CSPP1: variants seen among roughly 807,000 people sequenced by gnomAD.
The protein encoded by CSPP1 is centrosome and spindle pole associated protein 1.
CSPP1 carries 126 observed loss-of-function variants against 164.4 expected under a neutral mutation model. The ratio of observed to expected loss-of-function variants is 0.77; its 90% CI spans 0.66 to 0.89. The LOEUF (loss-of-function observed/expected upper bound fraction) is 0.89. CSPP1 is among the 40% of genes least tolerant of loss of function. The pLI is 0.00. For missense variants in CSPP1, 1,395 were observed against 1,449.8 expected (o/e 0.96, Z 0.61); for synonymous variants, 472 against 476.7 (o/e 0.99, Z 0.13).
At chr8:67,118,845 AT>A in intron 15 of CSPP1, 24 bp downstream of exon 15, 3 of 1,523,480 alleles carry the variant, frequency 2.0e-6, no homozygotes, top group Non-Finnish European at 2.7e-6. Flanking sequence ...TAAAAGAATA[AT>A]TTTTTCCCCA....
intron 8 of CSPP1, among the ~76,000 whole-genome samples, chr8:67,105,334 TTTTA>T (rs1429552723): frequency 1.3e-5 from 2 of 151,786 alleles, no homozygotes; most frequent in African/African-American, 2.4e-5. Context: ...CTGAAAAAGA[TTTTA>T]TTTGAGAACC....
At chr8:67,083,548 A>AAAAAAAAAAAAAAAAAATATATAT (rs1332248754) in intron 3 of CSPP1, 1 of 91,502 alleles carries the variant, frequency 1.1e-5, no homozygotes, top group African/African-American at 4.5e-5. Context: ...AAAAAAAAAA[A>AAAAAAAAAAAAAAAAAATATATAT]ATATATATAT....
intron 30 of CSPP1, among the ~76,000 whole-genome samples, chr8:67,194,393 A>AAGGTGTGG (rs1317790865): frequency 1.3e-5 from 2 of 152,222 alleles, no homozygotes; most frequent in African/African-American, 4.8e-5. Context: ...TCTAGCAGTC[A>AAGGTGTGG]AGGTGTGGTG....
intron 1 of CSPP1, among the ~76,000 whole-genome samples, chr8:67,072,358 CTT>C (rs1324930341): frequency 6.6e-6 from 1 of 151,774 alleles, no homozygotes; most frequent in Non-Finnish European, 1.5e-5. Context: ...ATAAATTGGA[CTT>C]GATAAAAATT....
chr8:67,085,719 A>G (rs1337802922), intron 3 of CSPP1, among the ~76,000 whole-genome samples: 1 of 152,158 alleles, frequency 6.6e-6, no homozygotes, highest in Non-Finnish European at 1.5e-5. Flanking sequence ...GTATCTGTTT[A>G]TAGGTGCATT....
At chr8:67,083,548 A>AAAAAAAAAAAAAAAATATAT (rs1332248754) in intron 3 of CSPP1, 3 of 91,484 alleles carry the variant, frequency 3.3e-5, no homozygotes, top group South Asian at 3.6e-4. Context: ...AAAAAAAAAA[A>AAAAAAAAAAAAAAAATATAT]ATATATATAT....
Position 67,172,510 on chromosome 8 carries a change from G to C in CSPP1, c.2923G>C (p.Ala975Pro). The change falls in exon 25 of 31, where the codon GCC (alanine) becomes CCC (proline). Residue 975 changes from alanine to proline, a missense_variant. By Grantham distance (27) the Ala-to-Pro change is conservative (BLOSUM62 -1). Transcript: ENST00000678616. Reference sequence around the variant, plus strand: ...ACAGTCCCCTAAGGGCTTAGACGCTGCCACTTTTCAGAATGTTCATGATTT... The same window carrying C: ...ACAGTCCCCTAAGGGCTTAGACGCTCCCACTTTTCAGAATGTTCATGATTT... ...RRQSPKGLDAATFQNVHDFNE... is the reference protein window; with the variant it reads ...RRQSPKGLDAPTFQNVHDFNE... The C allele has an allele frequency of 6.2e-7, 1 of 1,613,592 alleles. No homozygotes were observed. The highest frequency in any genetic ancestry group is 8.5e-7 in the Non-Finnish European group (1 of 1,179,676).
chr8:67,154,367 A>G (rs1227768746), intron 19 of CSPP1, among the ~76,000 whole-genome samples: 1 of 151,688 alleles, frequency 6.6e-6, no homozygotes, highest in Non-Finnish European at 1.5e-5. Flanking sequence ...TAAATAATTA[A>G]TTTTTTTTAT....
intron 30 of CSPP1, among the ~76,000 whole-genome samples, chr8:67,194,228 A>G (rs1837238269): frequency 6.6e-6 from 1 of 152,216 alleles, no homozygotes; most frequent in Admixed American, 6.5e-5. Context: ...ACACTTTCAT[A>G]TTGGTAATAA....
chr8:67,142,105 C>T (rs1312491809), intron 17 of CSPP1, among the ~76,000 whole-genome samples: 1 of 151,958 alleles, frequency 6.6e-6, no homozygotes. Flanking sequence ...AAAGTATCAC[C>T]CCTTTTAAAG....
Position 67,081,259 on chromosome 8 carries a change from G to A in CSPP1, c.199+4678G>A, listed in dbSNP as rs146248640. ...GTTGTTCGTGTAAACTATTAGGTGTGGTCCAAGGTGTCCACTGTGAATAAT... is the reference window on the plus strand; with the variant it reads ...GTTGTTCGTGTAAACTATTAGGTGTAGTCCAAGGTGTCCACTGTGAATAAT... On this transcript the variant is annotated intron_variant, in intron 3 of 30. Transcript: ENST00000678616. Among the ~76,000 whole-genome samples, 70 of 132,618 alleles carry A rather than the reference G, an allele frequency of 5.3e-4. 3 individuals carry two copies. Among genetic ancestry groups the A allele is most frequent in the Non-Finnish European group, 6.8e-4 (44 of 64,936 alleles). 87.0% of individuals were successfully genotyped at this position (132,618 alleles called of 152,430 possible). A position where few individuals can be genotyped will look rare whatever the true frequency, so the allele number is the denominator to read the frequency against.
At chr8:67,183,777 T>TA (rs1196849906) in intron 28 of CSPP1, among the ~76,000 whole-genome samples, 1 of 135,116 alleles carries the variant, frequency 7.4e-6, no homozygotes, top group African/African-American at 2.8e-5. Flanking sequence ...GACTTTTAGA[T>TA]AAAAAACCAA....
intron 6 of CSPP1, among the ~76,000 whole-genome samples, chr8:67,095,008 T>C (rs1451898822): frequency 6.6e-6 from 1 of 152,226 alleles, no homozygotes; most frequent in Non-Finnish European, 1.5e-5. Flanking sequence ...AATGTATGGA[T>C]GATTCATTCC....
chr8:67,086,943 C>A, intron 4 of CSPP1: 1 of 582,790 alleles, frequency 1.7e-6, no homozygotes, highest in Non-Finnish European at 2.8e-6. Flanking sequence ...TTATGAGATT[C>A]AAACCAATTA....
chr8:67,070,245 G>A (rs563515351), intron 1 of CSPP1, among the ~76,000 whole-genome samples: 3 of 151,786 alleles, frequency 2.0e-5, no homozygotes, highest in South Asian at 4.2e-4. Context: ...GGCGGATCAC[G>A]AGGTCAGGAG....
At chr8:67,144,091 T>C (rs566447931) in intron 17 of CSPP1, among the ~76,000 whole-genome samples, 3 of 152,340 alleles carry the variant, frequency 2.0e-5, no homozygotes, top group Non-Finnish European at 2.9e-5. Context: ...TTTTATCCCA[T>C]TGAGGATGTT....
At chr8:67,149,103 A>G (rs1261102407) in intron 17 of CSPP1, among the ~76,000 whole-genome samples, 2 of 152,118 alleles carry the variant, frequency 1.3e-5, no homozygotes, top group Non-Finnish European at 2.9e-5. Context: ...GCTCCCTCAC[A>G]TGGCTCAGGA....
chr8:67,158,582 GAGAA>G lies in CSPP1; in HGVS notation c.2381_2384del (p.Lys794ArgfsTer6). On this transcript the variant is annotated frameshift_variant, in exon 20 of 31. Transcript: ENST00000678616. LOFTEE classifies it high-confidence loss of function. ...TGAAGAGGAACAGGAAAAGAAAAGA[GAGAA>G]AGAGGAGGAGGTACATCTTTTTTCC... is the stretch of plus-strand genomic sequence containing the variant. The G allele has an allele frequency of 6.3e-7, 1 of 1,596,738 alleles. No homozygotes were observed. Among genetic ancestry groups the G allele is most frequent in the Non-Finnish European group, 8.5e-7 (1 of 1,171,656 alleles).
intron 3 of CSPP1, among the ~76,000 whole-genome samples, chr8:67,077,002 G>A (rs956304802): frequency 3.3e-5 from 5 of 152,056 alleles, no homozygotes; most frequent in African/African-American, 1.2e-4. Context: ...TGATCATGTT[G>A]GAATTGTAAA....
Sources: gnomAD v4.1 joint callset for allele counts (sites outside exome capture counted in the v4.1 genomes callset) on GRCh38, gnomAD v4.1.1 for gene constraint, MANE v1.5 for transcripts, NCBI Gene and HGNC (gene_info 2026-07-23, HGNC 2026-07-21) for gene names.